Variants in DAB1 observed in about 807,000 individuals in gnomAD.
DAB1 encodes disabled homolog 1.
DAB1 carries 15 observed loss-of-function variants against 64.6 expected under a neutral mutation model. That is an observed-to-expected ratio of 0.23 (90% CI 0.16 to 0.36). DAB1 has a LOEUF of 0.36. DAB1 is among the 10% of genes least tolerant of loss of function. The pLI, the probability that DAB1 is intolerant of heterozygous loss-of-function variation, is 1.00. For synonymous variants in DAB1, 235 were observed against 251.9 expected (o/e 0.93, Z 0.64); for missense variants, 596 against 706.7 (o/e 0.84, Z 1.78).
chr1:57,311,481 T>C (rs564105594), intron 1 of DAB1, among the ~76,000 whole-genome samples: 2 of 151,924 alleles, frequency 1.3e-5, no homozygotes, highest in African/African-American at 4.8e-5. Context: ...GTAGCTGACT[T>C]AGAATGATAG....
At chr1:57,459,570 T>G (rs1018802142) in intron 7 of DAB1, among the ~76,000 whole-genome samples, 1 of 152,100 alleles carries the variant, frequency 6.6e-6, no homozygotes, top group African/African-American at 2.4e-5. Context: ...TATGAAAAAA[T>G]AAACCAAAGT....
At chr1:58,131,677 G>A (rs1303725582) in intron 5 of DAB1, among the ~76,000 whole-genome samples, 1 of 142,150 alleles carries the variant, frequency 7.0e-6, no homozygotes, top group Non-Finnish European at 1.5e-5. Flanking sequence ...CCTTCTAACA[G>A]AGAGGACCCT....
At chr1:58,105,449 C>T (rs1300189764) in intron 5 of DAB1, among the ~76,000 whole-genome samples, 1 of 152,010 alleles carries the variant, frequency 6.6e-6, no homozygotes, top group African/African-American at 2.4e-5. Flanking sequence ...ATACTGCTGA[C>T]GAGAGACGCC....
intron 3 of DAB1, among the ~76,000 whole-genome samples, chr1:58,476,224 T>C (rs1023542728): frequency 4.0e-5 from 6 of 149,272 alleles, no homozygotes; most frequent in Admixed American, 6.6e-5. Context: ...CTAATTAAAA[T>C]AATTTTTTTT....
intron 3 of DAB1, among the ~76,000 whole-genome samples, chr1:58,352,380 T>C (rs1644066464): frequency 6.6e-6 from 1 of 152,152 alleles, no homozygotes; most frequent in African/African-American, 2.4e-5. Context: ...GTATATTGAA[T>C]ATTTTAAAAC....
chr1:57,145,583 T>C (rs1659045474), intron 2 of DAB1, among the ~76,000 whole-genome samples, 154 bp from the exon 3 acceptor site: 1 of 152,190 alleles, frequency 6.6e-6, no homozygotes, highest in African/African-American at 2.4e-5. Flanking sequence ...TATTCCTAAA[T>C]GTAAATTCTG....
chr1:57,170,936 C>T (rs1180665974), intron 2 of DAB1, among the ~76,000 whole-genome samples: 1 of 152,160 alleles, frequency 6.6e-6, no homozygotes, highest in Non-Finnish European at 1.5e-5. Flanking sequence ...CTGCAGGGTC[C>T]TGGCTCCCTC....
chr1:57,629,785 G>C (rs943106889), intron 7 of DAB1, among the ~76,000 whole-genome samples: 2 of 149,396 alleles, frequency 1.3e-5, no homozygotes, highest in South Asian at 2.1e-4. Context: ...CTGCCAGAAG[G>C]AGGCCTTCTA....
At chr1:58,352,538 TA>T (rs1315452103) in intron 3 of DAB1, among the ~76,000 whole-genome samples, 1 of 152,036 alleles carries the variant, frequency 6.6e-6, no homozygotes, top group Admixed American at 6.6e-5. Context: ...CAACAGCTAA[TA>T]GGGGTAGGTC....
At chr1:57,516,659 G>A (rs1034955808) in intron 7 of DAB1, among the ~76,000 whole-genome samples, 3 of 152,158 alleles carry the variant, frequency 2.0e-5, no homozygotes, top group African/African-American at 7.2e-5. Flanking sequence ...AGTCCCTCAT[G>A]GAGTCCTTCT....
At chr1:57,426,872 A>ATTTTTTTT (rs750097025), upstream of DAB1, among the ~76,000 whole-genome samples, 25 of 143,364 alleles carry the variant, frequency 1.7e-4, no homozygotes, top group African/African-American at 5.5e-4. Flanking sequence ...ATATATATAT[A>ATTTTTTTT]TATTTTTTTG....
intron 7 of DAB1, among the ~76,000 whole-genome samples, chr1:57,622,471 A>G (rs972260205): frequency 6.6e-6 from 1 of 152,244 alleles, no homozygotes; most frequent in Non-Finnish European, 1.5e-5. Flanking sequence ...AAGTGCAGAA[A>G]TAATAACTGA....
chr1:57,721,332 AG>A lies in DAB1; in HGVS notation n.552-71668del, dbSNP rs373574758. On this transcript the variant is annotated intron_variant and non_coding_transcript_variant, in intron 6 of 20. Coordinates refer to the DAB1 transcript ENST00000485760. ...ATACAGAGAAGCAAACTATAAAAAAAGAACTTAAATAAATTCAGAAGAAAAG... is the reference window on the plus strand; with the variant it reads ...ATACAGAGAAGCAAACTATAAAAAAAAACTTAAATAAATTCAGAAGAAAAG... 4.5e-3 allele frequency among the ~76,000 whole-genome samples: 692 copies of A among 152,374 alleles called. 7 individuals are homozygous for A. Among genetic ancestry groups the A allele is most frequent in the African/African-American group, 0.016 (651 of 41,580 alleles).
intron 2 of DAB1, among the ~76,000 whole-genome samples, chr1:57,240,177 C>T (rs962067680): frequency 1.3e-5 from 2 of 151,958 alleles, no homozygotes; most frequent in African/African-American, 2.4e-5. Flanking sequence ...TCCTCCAGTA[C>T]CAAAATAAGA....
intron 5 of DAB1, among the ~76,000 whole-genome samples, chr1:57,923,638 C>A (rs959102911): frequency 6.6e-6 from 1 of 152,176 alleles, no homozygotes; most frequent in African/African-American, 2.4e-5. Context: ...CTGAGCCATG[C>A]TGAATGAATG....
At chr1:57,924,265 G>C (rs1644848560) in intron 5 of DAB1, among the ~76,000 whole-genome samples, 2 of 152,148 alleles carry the variant, frequency 1.3e-5, no homozygotes, top group Non-Finnish European at 2.9e-5. Context: ...CAAACAACTT[G>C]AAACTTATAA....
At chr1:57,384,449 C>T (rs56111567) in intron 1 of DAB1, among the ~76,000 whole-genome samples, 12,480 of 152,228 alleles carry the variant, frequency 0.082, 578 homozygotes, top group Middle Eastern at 0.12. Flanking sequence ...TGAAGAAGTA[C>T]GCACATTTGT....
chr1:58,249,946 G>T (rs1329815701), intron 4 of DAB1, among the ~76,000 whole-genome samples: 2 of 152,168 alleles, frequency 1.3e-5, no homozygotes, highest in African/African-American at 4.8e-5. Flanking sequence ...TGAGACGCGC[G>T]CCGCCAAGTG....
At chr1:57,649,604 C>A (rs1367409894) in exon 7 of DAB1, 1 of 152,156 alleles carries the variant, frequency 6.6e-6, no homozygotes. Flanking sequence ...TTGTGTTGTA[C>A]AAAAGAGTTC....
Sources: allele counts gnomAD v4.1 joint callset (sites outside exome capture counted in the v4.1 genomes callset), GRCh38; gene constraint gnomAD v4.1.1; transcripts MANE v1.5; gene names NCBI Gene and HGNC (gene_info 2026-07-23, HGNC 2026-07-21).